XYLT1: variants seen among roughly 807,000 people sequenced by gnomAD.
The protein encoded by XYLT1 is beta-D-xylosyltransferase 1.
Under a neutral mutation model 91.3 loss-of-function variants are expected in XYLT1, and 36 were observed. That is an observed-to-expected ratio of 0.39 (90% CI 0.30 to 0.52). XYLT1 has a LOEUF of 0.52. XYLT1 is among the 20% of genes least tolerant of loss of function. The pLI is 0.68. For missense variants in XYLT1, 1,242 were observed against 1,284.5 expected (o/e 0.97, Z 0.51); for synonymous variants, 588 against 532.0 (o/e 1.11, Z -1.45).
At chr16:17,358,388 C>T (rs1353286370) in intron 1 of XYLT1, among the ~76,000 whole-genome samples, 1 of 152,108 alleles carries the variant, frequency 6.6e-6, no homozygotes, top group African/African-American at 2.4e-5. Context: ...CCTCCCACTT[C>T]GGCCACCCAA....
chr16:17,198,016 G>A (rs1301495145), intron 5 of XYLT1, 196 bp downstream of exon 5: 6 of 642,210 alleles, frequency 9.3e-6, no homozygotes, highest in Admixed American at 5.9e-5. Context: ...GGAAAACCAC[G>A]TGCTCAGTCT....
intron 3 of XYLT1, among the ~76,000 whole-genome samples, chr16:17,224,624 T>A (rs981605242): frequency 4.6e-5 from 7 of 152,172 alleles, no homozygotes; most frequent in African/African-American, 1.7e-4. Context: ...AATGGCTTCA[T>A]GAACTCTTGA....
intron 5 of XYLT1, among the ~76,000 whole-genome samples, chr16:17,165,105 A>T (rs2031645452): frequency 6.6e-6 from 1 of 152,218 alleles, no homozygotes; most frequent in Non-Finnish European, 1.5e-5. Flanking sequence ...TAAAATCATT[A>T]TGAAAGCTTA....
chr16:17,295,397 A>C (rs1188844974), intron 2 of XYLT1, among the ~76,000 whole-genome samples: 3 of 151,904 alleles, frequency 2.0e-5, no homozygotes, highest in Non-Finnish European at 2.9e-5. Context: ...GCCCTGTCAC[A>C]CAGGCTGGAG....
At chr16:17,218,251 C>T (rs2141605991) in intron 3 of XYLT1, among the ~76,000 whole-genome samples, 1 of 152,104 alleles carries the variant, frequency 6.6e-6, no homozygotes, top group South Asian at 2.1e-4. Context: ...AGTGAGGCTT[C>T]CTCTCAAGAA....
intron 1 of XYLT1, among the ~76,000 whole-genome samples, chr16:17,409,597 T>C (rs369303162): frequency 6.7e-6 from 1 of 148,594 alleles, no homozygotes; most frequent in African/African-American, 2.5e-5. Flanking sequence ...TTGCCAAGGC[T>C]GGAGTGCAGT....
chr16:17,110,166 G>C (rs910098965), intron 11 of XYLT1, among the ~76,000 whole-genome samples: 1 of 152,226 alleles, frequency 6.6e-6, no homozygotes, highest in Admixed American at 6.5e-5. Flanking sequence ...AATGGGTAAA[G>C]TACTAATGCC....
chr16:17,225,099 A>G (rs1400517483), intron 3 of XYLT1, among the ~76,000 whole-genome samples: 2 of 152,024 alleles, frequency 1.3e-5, no homozygotes, highest in African/African-American at 4.8e-5. Flanking sequence ...AGGAAGAGTC[A>G]TCTGATTAGA....
intron 3 of XYLT1, among the ~76,000 whole-genome samples, chr16:17,256,589 G>T (rs1384198350): frequency 6.6e-6 from 1 of 150,786 alleles, no homozygotes; most frequent in Admixed American, 6.6e-5. Context: ...GGTGGAGGTT[G>T]CAGTGAGCCG....
intron 1 of XYLT1, among the ~76,000 whole-genome samples, chr16:17,362,379 A>G (rs2035396634): frequency 6.6e-6 from 1 of 152,226 alleles, no homozygotes; most frequent in Non-Finnish European, 1.5e-5. Context: ...AAATCAATCC[A>G]CACGTGTTTA....
chr16:17,404,149 G>A (rs1596528110), intron 1 of XYLT1, among the ~76,000 whole-genome samples: 2 of 152,144 alleles, frequency 1.3e-5, no homozygotes, highest in East Asian at 3.9e-4. Context: ...TGACCCAGGA[G>A]GGACTCAGGG....
intron 1 of XYLT1, among the ~76,000 whole-genome samples, chr16:17,382,178 G>T (rs147397909): frequency 1.7e-4 from 26 of 152,004 alleles, no homozygotes; most frequent in Non-Finnish European, 1.2e-4. Context: ...CTGCAAGAAG[G>T]GGCAAATGGA....
At chr16:17,388,505 A>G (rs2035776054) in intron 1 of XYLT1, among the ~76,000 whole-genome samples, 1 of 152,156 alleles carries the variant, frequency 6.6e-6, no homozygotes, top group South Asian at 2.1e-4. Flanking sequence ...TCTGCCTGTC[A>G]CCACCTCCCT....
chr16:17,143,799 TCAC>T (rs1293882509), intron 6 of XYLT1, among the ~76,000 whole-genome samples: 34 of 83,352 alleles, frequency 4.1e-4, no homozygotes, highest in African/African-American at 1.9e-3. Flanking sequence ...ACCATCATCA[TCAC>T]AATTTCCATT....
At chr16:17,349,141 G>A (rs952066526) in intron 2 of XYLT1, among the ~76,000 whole-genome samples, 2 of 152,204 alleles carry the variant, frequency 1.3e-5, no homozygotes, top group African/African-American at 2.4e-5. Context: ...AGGGCAAACC[G>A]TGCCACAGCC....
chr16:17,343,275 G>A (rs746489958), intron 2 of XYLT1, among the ~76,000 whole-genome samples: 9 of 152,124 alleles, frequency 5.9e-5, no homozygotes, highest in East Asian at 1.9e-4. Context: ...TCTGAAAACC[G>A]TCTCCCTGCG....
At chr16:17,434,876 A>C (rs2036436271) in intron 1 of XYLT1, among the ~76,000 whole-genome samples, 1 of 152,078 alleles carries the variant, frequency 6.6e-6, no homozygotes, top group African/African-American at 2.4e-5. Flanking sequence ...TCTAAGAAAA[A>C]AAAAAAAAGA....
chr16:17,134,805 C>T, intron 8 of XYLT1, 70 bp from the exon 9 acceptor site: 2 of 1,570,950 alleles, frequency 1.3e-6, no homozygotes, highest in Non-Finnish European at 1.7e-6. Flanking sequence ...AACCTAAGGG[C>T]ATATCCTGTG....
intron 2 of XYLT1, among the ~76,000 whole-genome samples, chr16:17,296,017 A>G (rs1237763477): frequency 6.6e-6 from 1 of 150,588 alleles, no homozygotes; most frequent in Non-Finnish European, 1.5e-5. Context: ...GCATTCATAG[A>G]GTAAGGAAGA....
Sources: gnomAD v4.1 joint callset for allele counts (sites outside exome capture counted in the v4.1 genomes callset) on GRCh38, gnomAD v4.1.1 for gene constraint, MANE v1.5 for transcripts, NCBI Gene and HGNC (gene_info 2026-07-23, HGNC 2026-07-21) for gene names.